The following HIP1 variants were observed in gnomAD, a reference collection of about 807,000 sequenced individuals.
HIP1 encodes the protein huntingtin interacting protein 1.
A neutral mutation model predicts 147.6 loss-of-function variants in HIP1; 65 were observed. The ratio of observed to expected loss-of-function variants is 0.44; its 90% CI spans 0.36 to 0.54. The LOEUF is 0.54. Among genes scored for constraint, HIP1 ranks in the 20% least tolerant of loss-of-function variants. The pLI, the probability that HIP1 is intolerant of heterozygous loss-of-function variation, is 0.00. For synonymous variants in HIP1, 479 were observed against 504.0 expected (o/e 0.95, Z 0.67); for missense variants, 1,061 against 1,299.6 (o/e 0.82, Z 2.82).
rs117656404 is a variant in HIP1, at chr7:75,713,413, C to T, written c.120+25388G>A. On this transcript the variant is annotated intron_variant, in intron 1 of 30. Coordinates refer to ENST00000336926, the MANE Select transcript of HIP1 (RefSeq NM_005338.7). ...CTAGTATCCGGTGCTAGCTGCACTG[C>T]GACAGGGGGAGGCAGACAGCAAAAT... Among the ~76,000 whole-genome samples the T allele has an allele frequency of 3.7e-3, 569 of 152,260 alleles. 1 individual carries two copies. The highest frequency in any genetic ancestry group is 6.2e-3 in the Non-Finnish European group (421 of 68,026).
chr7:75,724,892 C>CA (rs1801605776), intron 1 of HIP1, among the ~76,000 whole-genome samples: 1 of 152,104 alleles, frequency 6.6e-6, no homozygotes, highest in African/African-American at 2.4e-5. Flanking sequence ...AAACGCTCCC[C>CA]AATTCTAGGG....
chr7:75,593,245 A>G (rs1796564616), intron 2 of HIP1, among the ~76,000 whole-genome samples: 1 of 152,210 alleles, frequency 6.6e-6, no homozygotes, highest in Non-Finnish European at 1.5e-5. Flanking sequence ...CTGGGGTTAC[A>G]GGCATGAACC....
In HIP1 at chr7:75,738,831, C is replaced by G. The variant is rs782468864; in HGVS notation, c.90G>C (p.Ala30=). 174 of 1,598,362 alleles carry G rather than the reference C, an allele frequency of 1.1e-4. No individual in the cohort carries two copies. Among genetic ancestry groups the G allele is most frequent in the Admixed American group, 3.2e-4 (19 of 58,786 alleles). Reference sequence around the variant, plus strand: ...TCCGCTCGAAGCTCTCGCGCTCCGCCGCCTCCAGCCCAGCGCCGACCCCGC... The same window carrying G: ...TCCGCTCGAAGCTCTCGCGCTCCGCGGCCTCCAGCCCAGCGCCGACCCCGC... ...SRRGVGAGLE[A]AERESFERTQ... Residue 30 remains alanine (A), a synonymous_variant, in exon 1 of 31, where the codon GCG becomes GCC. Transcript: ENST00000336926.
chr7:75,611,757 G>A lies in HIP1; in HGVS notation c.121-12510C>T, dbSNP rs587636954. 3.0e-5 allele frequency: 31 copies of A among 1,037,576 alleles called. No individual in the cohort carries two copies. The East Asian group carries it at 9.4e-4, about 31-fold the overall frequency. 64.3% of individuals were successfully genotyped at this position (1,037,576 alleles called of 1,614,324 possible). ...GTCACACAGGACCTAAGACCAAGCC[G>A]TGTCTCCCCTGAAAGGGTGGCATTG... is the stretch of plus-strand genomic sequence containing the variant. On this transcript the variant is annotated intron_variant, in intron 1 of 30. Coordinates refer to ENST00000336926, the MANE Select transcript of HIP1 (RefSeq NM_005338.7).
intron 1 of HIP1, among the ~76,000 whole-genome samples, chr7:75,710,176 G>A (rs1283630986): frequency 5.9e-5 from 9 of 152,150 alleles, no homozygotes; most frequent in African/African-American, 2.2e-4. Flanking sequence ...GGGATTACAG[G>A]CGTGAGCCAC....
At chr7:75,581,410 C>T in intron 6 of HIP1, 112 bp from the exon 7 acceptor site, 5 of 724,752 alleles carry the variant, frequency 6.9e-6, no homozygotes, top group Middle Eastern at 2.4e-4. Context: ...TGTGCATGCG[C>T]AAACACACAC....
chr7:75,565,150 C>T (rs1486017005), intron 9 of HIP1, among the ~76,000 whole-genome samples: 2 of 152,326 alleles, frequency 1.3e-5, no homozygotes, highest in African/African-American at 4.8e-5. Context: ...TCGTTACAGC[C>T]TGTCAGATCC....
chr7:75,588,105 G>A (rs587635639), intron 4 of HIP1, among the ~76,000 whole-genome samples: 14 of 152,298 alleles, frequency 9.2e-5, no homozygotes, highest in East Asian at 7.7e-4. Context: ...GAATTCTACC[G>A]CCTCAAATCA....
At chr7:75,611,503 T>C (rs1584878409) in intron 1 of HIP1, among the ~76,000 whole-genome samples, 1 of 150,352 alleles carries the variant, frequency 6.7e-6, no homozygotes, top group Middle Eastern at 3.2e-3. Context: ...GTCCCAGGTA[T>C]GTGATTCACA....
At chr7:75,703,833 G>A (rs1219244499) in intron 1 of HIP1, among the ~76,000 whole-genome samples, 2 of 152,110 alleles carry the variant, frequency 1.3e-5, no homozygotes, top group African/African-American at 4.8e-5. Flanking sequence ...ACATGCTATG[G>A]GATAAACAAA....
At chr7:75,590,236 A>G (rs1796454928) in intron 4 of HIP1, among the ~76,000 whole-genome samples, 1 of 152,228 alleles carries the variant, frequency 6.6e-6, no homozygotes, top group African/African-American at 2.4e-5. Flanking sequence ...ATACATGGTT[A>G]TGCTAACAGA....
rs1563181622 is a variant in HIP1, at chr7:75,533,827, AGCTGGCTGGTTTGCTGCGCCGATG to A, written c.*4321_*4344del. ...GAGAGGAAGGAATTTGGCAGCAAACAGCTGGCTGGTTTGCTGCGCCGATGGCTGGCAGGTCCGTGGTGGTGGTTT... is the reference window on the plus strand; with the variant it reads ...GAGAGGAAGGAATTTGGCAGCAAACAGCTGGCAGGTCCGTGGTGGTGGTTT... On this transcript the variant is annotated 3_prime_UTR_variant, in exon 31 of 31. Transcript: ENST00000336926. 5 of 234,954 alleles carry A rather than the reference AGCTGGCTGGTTTGCTGCGCCGATG, an allele frequency of 2.1e-5. No individual in the cohort carries two copies. The East Asian group carries it at 3.0e-4, about 14-fold the overall frequency. 14.6% of individuals were successfully genotyped at this position (234,954 alleles called of 1,614,324 possible).
chr7:75,621,822 C>T (rs1797855894), intron 1 of HIP1, among the ~76,000 whole-genome samples: 1 of 152,152 alleles, frequency 6.6e-6, no homozygotes, highest in South Asian at 2.1e-4. Flanking sequence ...TCAAGGAGAA[C>T]ATCGTGATGA....
chr7:75,591,092 G>C (rs113188766), intron 4 of HIP1, among the ~76,000 whole-genome samples: 49 of 151,878 alleles, frequency 3.2e-4, no homozygotes, highest in African/African-American at 1.2e-3. Flanking sequence ...GAGTGCAGTG[G>C]CCCAATCTTG....
chr7:75,567,809 T>TA (rs1462962569), intron 9 of HIP1, among the ~76,000 whole-genome samples: 1 of 146,764 alleles, frequency 6.8e-6, no homozygotes, highest in Non-Finnish European at 1.5e-5. Flanking sequence ...CACAAGTATT[T>TA]AAAAAAAATT....
intron 1 of HIP1, chr7:75,611,987 G>C (rs930577054): frequency 2.7e-5 from 14 of 518,472 alleles, no homozygotes; most frequent in Non-Finnish European, 3.3e-5. Context: ...GGGGAGCTGG[G>C]CCTGGGCCTG....
chr7:75,551,283 C>T (rs1022992626), intron 22 of HIP1, among the ~76,000 whole-genome samples: 7 of 145,898 alleles, frequency 4.8e-5, no homozygotes, highest in African/African-American at 1.0e-4. Flanking sequence ...CTGCAGCCTC[C>T]GCCTCCCAGG....
At chr7:75,600,712 C>T (rs1040940730) in intron 1 of HIP1, among the ~76,000 whole-genome samples, 5 of 152,124 alleles carry the variant, frequency 3.3e-5, no homozygotes, top group East Asian at 1.9e-4. Context: ...ATGTATCTCC[C>T]GGAAAATTCT....
rs1209916818 is a variant in HIP1 at position 75,685,169 on chromosome 7, G to C, written c.120+53632C>G. ...CTAGGCAGAGTGTAATCCTGGCACT[G>C]TGGGAGGCTGAGGTGGGAGGATCGC... On this transcript the variant is annotated intron_variant, in intron 1 of 30. Transcript: ENST00000336926. Among the ~76,000 whole-genome samples the C allele has an allele frequency of 1.1e-4, 17 of 152,022 alleles. No homozygotes were observed. The East Asian group carries it at 3.3e-3, about 29-fold the overall frequency.
Sources: allele counts gnomAD v4.1 joint callset (sites outside exome capture counted in the v4.1 genomes callset), GRCh38; gene constraint gnomAD v4.1.1; transcripts MANE v1.5; gene names NCBI Gene and HGNC (gene_info 2026-07-23, HGNC 2026-07-21).